The following ACTN2 variants were observed in gnomAD, a reference collection of about 807,000 sequenced individuals.
The protein encoded by ACTN2 is alpha-actinin-2.
ACTN2 carries 39 observed loss-of-function variants against 113.8 expected under a neutral mutation model. The observed-to-expected ratio is 0.34, with a 90% CI of 0.27 to 0.45. ACTN2 has a LOEUF of 0.45. Among genes scored for constraint, ACTN2 ranks in the 20% least tolerant of loss-of-function variants. ACTN2 has a pLI of 1.00. For missense variants in ACTN2, 992 were observed against 1,177.9 expected (o/e 0.84, Z 2.31); for synonymous variants, 429 against 444.1 (o/e 0.97, Z 0.43).
rs553512707 is a variant in ACTN2 at position 236,729,842 on chromosome 1, A to T, written c.616-1391A>T. Among the ~76,000 whole-genome samples the T allele has an allele frequency of 3.4e-4, 52 of 152,304 alleles. No homozygotes were observed. The South Asian group carries it at 0.01, about 30-fold the overall frequency. The stretch of plus-strand genomic sequence containing the variant: ...ACTGCATAGACCCAGTTTCATTAGC[A>T]ATTTATTATGGTCAGTTTGTATTAC... On this transcript the variant is annotated intron_variant, in intron 6 of 20. Coordinates refer to ENST00000366578, the MANE Select transcript of ACTN2 (RefSeq NM_001103.4).
Position 236,743,331 on chromosome 1 carries a change from TTCCACAAGTA to T in ACTN2, c.1255+294_1255+303del, listed in dbSNP as rs534726584. On this transcript the variant is annotated intron_variant, in intron 11 of 20. Transcript: ENST00000366578. Reference sequence around the variant, plus strand: ...GCCTCCTTCCATGTTTTCTGTTTGATTCCACAAGTATCCACTCATTCCCTAACTGGTAGTC... The same window carrying T: ...GCCTCCTTCCATGTTTTCTGTTTGATTCCACTCATTCCCTAACTGGTAGTC... 9.2e-5 allele frequency among the ~76,000 whole-genome samples: 14 copies of T among 152,326 alleles called. No individual in the cohort carries two copies. The South Asian group carries it at 2.1e-3, about 23-fold the overall frequency.
intron 6 of ACTN2, among the ~76,000 whole-genome samples, chr1:236,728,332 A>G (rs1572122595): frequency 1.3e-5 from 2 of 151,870 alleles, no homozygotes; most frequent in East Asian, 3.9e-4. Context: ...TTTAGTAGAG[A>G]CGGGGTTTCA....
Position 236,718,810 on chromosome 1 carries a change from G to A in ACTN2, c.242-84G>A, listed in dbSNP as rs1341865. 1,593,173 of 1,595,106 alleles carry A rather than the reference G, an allele frequency of 1. 795,638 individuals are homozygous for A. The highest frequency in any genetic ancestry group is 1 in the East Asian group (44,674 of 44,674). On this transcript the variant is annotated intron_variant, in intron 2 of 20. Transcript: ENST00000366578. ...TGTAACCTTCTCTTTTTAAGGAAAA[G>A]ATGGATGCTTAGTTTTGGCATCTTG...
intron 11 of ACTN2, among the ~76,000 whole-genome samples, 164 bp downstream of exon 11, chr1:236,743,207 T>G (rs951150330): frequency 5.3e-5 from 8 of 152,154 alleles, no homozygotes; most frequent in African/African-American, 1.9e-4. Flanking sequence ...ATTTAAGAGG[T>G]AGGCATGAAA....
intron 1 of ACTN2, among the ~76,000 whole-genome samples, chr1:236,698,182 G>C (rs1657573975): frequency 6.6e-6 from 1 of 150,686 alleles, no homozygotes; most frequent in Non-Finnish European, 1.5e-5. Flanking sequence ...TCATTGATAG[G>C]CTTTGCTAAA....
intron 4 of ACTN2, among the ~76,000 whole-genome samples, chr1:236,724,774 C>T (rs746298594): frequency 5.3e-5 from 8 of 150,930 alleles, no homozygotes; most frequent in Non-Finnish European, 1.2e-4. Context: ...GTGCTCGCAG[C>T]TGAAGCCGTG....
At chr1:236,728,143 CTTTTT>C (rs11436295) in intron 6 of ACTN2, among the ~76,000 whole-genome samples, 1 of 121,086 alleles carries the variant, frequency 8.3e-6, no homozygotes, top group Non-Finnish European at 1.8e-5. Context: ...TAGCCCAAGC[CTTTTT>C]TTTTTTTTTT....
intron 20 of ACTN2, 114 bp from the exon 21 acceptor site, chr1:236,762,347 A>G: frequency 1.4e-6 from 2 of 1,402,236 alleles, no homozygotes; most frequent in Non-Finnish European, 2.0e-6. Context: ...TAGACTCCCT[A>G]TTCTTTAGTC....
rs1219972606 is a variant in ACTN2, at chr1:236,764,464, G to T, written c.*1845G>T. On this transcript the variant is annotated 3_prime_UTR_variant, in exon 21 of 21. Coordinates refer to ENST00000366578, the MANE Select transcript of ACTN2 (RefSeq NM_001103.4). The stretch of plus-strand genomic sequence containing the variant: ...TTTACAACATTCAGCAAGAGAGGGG[G>T]TCAGTAGTCTCTATCTGCTAATAAA... The T allele has an allele frequency of 6.6e-6, 1 of 152,098 alleles. No homozygotes were observed. The highest frequency in any genetic ancestry group is 2.4e-5 in the African/African-American group (1 of 41,406). 9.4% of individuals were successfully genotyped at this position (152,098 alleles called of 1,614,324 possible).
At chr1:236,728,237 G>A (rs1025329087) in intron 6 of ACTN2, among the ~76,000 whole-genome samples, 37 of 148,434 alleles carry the variant, frequency 2.5e-4, no homozygotes, top group African/African-American at 2.0e-4. Flanking sequence ...TCCGCCTCCC[G>A]GGTTCATGCC....
intron 11 of ACTN2, among the ~76,000 whole-genome samples, chr1:236,743,622 C>T (rs1197139554): frequency 6.6e-6 from 1 of 150,726 alleles, no homozygotes; most frequent in Non-Finnish European, 1.5e-5. Context: ...CTTGCCAAGG[C>T]AGAAGAATAA....
intron 4 of ACTN2, among the ~76,000 whole-genome samples, chr1:236,724,581 G>C (rs931953592): frequency 6.6e-6 from 1 of 152,216 alleles, no homozygotes; most frequent in Non-Finnish European, 1.5e-5. Flanking sequence ...ATTTCGCCAG[G>C]CTGATGGAGT....
chr1:236,750,962 G>C (rs1310123385), intron 14 of ACTN2, among the ~76,000 whole-genome samples: 4 of 151,504 alleles, frequency 2.6e-5, no homozygotes, highest in African/African-American at 9.7e-5. Flanking sequence ...CATGATGTAT[G>C]CCCTATAGTC....
intron 11 of ACTN2, among the ~76,000 whole-genome samples, chr1:236,744,006 C>T (rs541198341): frequency 3.9e-5 from 6 of 152,300 alleles, no homozygotes; most frequent in Middle Eastern, 3.4e-3. Flanking sequence ...CTTCCAATTT[C>T]ATAGAATTCT....
chr1:236,750,409 C>T (rs1187782071), intron 14 of ACTN2, among the ~76,000 whole-genome samples: 1 of 152,132 alleles, frequency 6.6e-6, no homozygotes, highest in African/African-American at 2.4e-5. Flanking sequence ...TTCCTGCGTG[C>T]ACTCTTAAGC....
In ACTN2 at chr1:236,762,921, G is replaced by A; in HGVS notation, c.*302G>A. 1 of 380,244 alleles carries A rather than the reference G, an allele frequency of 2.6e-6. No individual in the cohort carries two copies. 23.6% of individuals were successfully genotyped at this position (380,244 alleles called of 1,614,324 possible). A position where few individuals can be genotyped will look rare whatever the true frequency, so the allele number is the denominator to read the frequency against. Reference sequence around the variant, plus strand: ...TTACTTGAGTAATAGGAAATTAGGAGGATCTAGGGACAGAAGGAAAGTGAA... The same window carrying A: ...TTACTTGAGTAATAGGAAATTAGGAAGATCTAGGGACAGAAGGAAAGTGAA... On this transcript the variant is annotated 3_prime_UTR_variant, in exon 21 of 21. Coordinates refer to ENST00000366578, the MANE Select transcript of ACTN2 (RefSeq NM_001103.4).
intron 1 of ACTN2, among the ~76,000 whole-genome samples, chr1:236,704,020 T>C (rs991929170): frequency 1.3e-5 from 2 of 152,126 alleles, no homozygotes; most frequent in African/African-American, 2.4e-5. Context: ...TCAACCCAAA[T>C]TTAGTATTAT....
chr1:236,703,236 G>T (rs1044897866), intron 1 of ACTN2, among the ~76,000 whole-genome samples: 1 of 152,108 alleles, frequency 6.6e-6, no homozygotes, highest in African/African-American at 2.4e-5. Context: ...AAGGCTGTTT[G>T]TTGGGAGCCT....
chr1:236,734,927 G>A (rs1176830729), intron 7 of ACTN2, among the ~76,000 whole-genome samples: 1 of 152,218 alleles, frequency 6.6e-6, no homozygotes, highest in Non-Finnish European at 1.5e-5. Flanking sequence ...AAGGATGTAG[G>A]TTTTCATGGT....
Sources: allele counts gnomAD v4.1 joint callset (sites outside exome capture counted in the v4.1 genomes callset), GRCh38; gene constraint gnomAD v4.1.1; transcripts MANE v1.5; gene names NCBI Gene and HGNC (gene_info 2026-07-23, HGNC 2026-07-21).